The following CELSR1 variants were observed in gnomAD, a reference collection of about 807,000 sequenced individuals.
CELSR1 encodes adhesion G protein-coupled receptor C1.
CELSR1 carries 110 observed loss-of-function variants against 249.1 expected under a neutral mutation model. The ratio of observed to expected loss-of-function variants is 0.44; its 90% CI spans 0.38 to 0.52. The LOEUF (loss-of-function observed/expected upper bound fraction) is 0.52, where lower values mean the gene tolerates loss of function less well. Among genes scored for constraint, CELSR1 ranks in the 20% least tolerant of loss-of-function variants. The probability of loss-of-function intolerance (pLI) is 0.00; values close to 1 mark genes in which losing one functional copy is unlikely to be tolerated. For synonymous variants in CELSR1, 2,113 were observed against 1,900.0 expected (o/e 1.11, Z -2.92); for missense variants, 4,109 against 4,296.4 (o/e 0.96, Z 1.22).
intron 2 of CELSR1, chr22:46,462,795 C>T (rs570727040): frequency 2.2e-5 from 8 of 368,206 alleles, no homozygotes; most frequent in African/African-American, 1.1e-4. Flanking sequence ...GTACCGCTCT[C>T]GGGGTGGCTC....
At chr22:46,384,088 C>G (rs1417267785) in intron 20 of CELSR1, among the ~76,000 whole-genome samples, 2 of 152,152 alleles carry the variant, frequency 1.3e-5, no homozygotes, top group South Asian at 4.1e-4. Context: ...GCGCCCGCCA[C>G]CGCAGCTGGC....
chr22:46,502,322 A>C (rs2080473755), intron 1 of CELSR1, among the ~76,000 whole-genome samples: 1 of 95,778 alleles, frequency 1.0e-5, no homozygotes, highest in Non-Finnish European at 2.0e-5. Flanking sequence ...GAGGGGAGGA[A>C]GAGGGGAGGG....
chr22:46,492,071 C>A (rs556750421), intron 1 of CELSR1, among the ~76,000 whole-genome samples: 65 of 152,372 alleles, frequency 4.3e-4, no homozygotes, highest in African/African-American at 1.5e-3. Flanking sequence ...GAAACAACTG[C>A]CACGAGAAGG....
At position 46,427,867 on chromosome 22, in the gene CELSR1, C is replaced by G. The variant is rs906515928; in HGVS notation, c.4611+5526G>C. Among the ~76,000 whole-genome samples, 4 of 152,148 alleles carry G rather than the reference C, an allele frequency of 2.6e-5. No homozygotes were observed. The highest frequency in any genetic ancestry group is 1.3e-4 in the Admixed American group (2 of 15,280). ...CCCAGAAAGGGTCCCATCAAAAAAC[C>G]TCACCCTGACCCAAGTGTCTGGGTG... is the stretch of plus-strand genomic sequence containing the variant. On this transcript the variant is annotated intron_variant, in intron 5 of 34. Transcript: ENST00000674500. The surrounding 1 kb of genome is among the most constrained non-coding windows in gnomAD (Gnocchi z 4.2).
intron 20 of CELSR1, 40 bp downstream of exon 20, chr22:46,384,503 G>A (rs1014981250): frequency 2.6e-6 from 4 of 1,550,030 alleles, no homozygotes; most frequent in Non-Finnish European, 3.5e-6. Flanking sequence ...CTGAACGCTG[G>A]GGACTCCGAG....
At chr22:46,372,568 GCACT>G (rs1444820935) in intron 25 of CELSR1, among the ~76,000 whole-genome samples, 1 of 147,990 alleles carries the variant, frequency 6.8e-6, no homozygotes, top group Non-Finnish European at 1.5e-5. Flanking sequence ...GCACACTCAT[GCACT>G]CACTCGCTCT....
At position 46,518,750 on chromosome 22, in the gene CELSR1, T is replaced by C. The variant is rs2080654491; in HGVS notation, c.3544+14877A>G. Among the ~76,000 whole-genome samples the C allele has an allele frequency of 1.3e-5, 2 of 152,080 alleles. No individual in the cohort carries two copies. Among genetic ancestry groups the C allele is most frequent in the Admixed American group, 1.3e-4 (2 of 15,256 alleles). On this transcript the variant is annotated intron_variant, in intron 1 of 34. Coordinates refer to ENST00000674500, the MANE Select transcript of CELSR1 (RefSeq NM_001378328.1). The surrounding 1 kb of genome is among the most constrained non-coding windows in gnomAD (Gnocchi z 5.2). ...GTCTTCTCTCTTATAAAGACTCCAG[T>C]TGTGGCTGGGCGCGGTGGCTCGCCT...
intron 1 of CELSR1, among the ~76,000 whole-genome samples, chr22:46,529,266 A>G (rs1416483895): frequency 6.8e-6 from 1 of 146,326 alleles, no homozygotes; most frequent in Non-Finnish European, 1.5e-5. Context: ...ACTCCATTTC[A>G]AAAAAAAAAA....
At position 46,448,770 on chromosome 22, in the gene CELSR1, C is replaced by G. The variant is rs1202206979; in HGVS notation, c.4184-9359G>C. On this transcript the variant is annotated intron_variant, in intron 2 of 34. Coordinates refer to ENST00000674500, the MANE Select transcript of CELSR1 (RefSeq NM_001378328.1). This position sits in a 1 kb window ranked among gnomAD's most constrained non-coding sequence, Gnocchi z 5.7. ...GTCATATCACGCAAATGCACAAAAC[C>G]TGAAGTCAACTCAAAGCCCCATCAA... 6.6e-6 allele frequency among the ~76,000 whole-genome samples: 1 copy of G among 152,112 alleles called. No homozygotes were observed. The highest frequency in any genetic ancestry group is 1.9e-4 in the East Asian group (1 of 5,192).
chr22:46,451,311 G>A (rs1423785144), intron 2 of CELSR1, among the ~76,000 whole-genome samples: 2 of 152,242 alleles, frequency 1.3e-5, no homozygotes, highest in Non-Finnish European at 2.9e-5. Flanking sequence ...CGGCACTGCA[G>A]AAGCCGCTTG....
In CELSR1 at chr22:46,496,627, A is replaced by AT. The variant is rs55785020; in HGVS notation, c.3545-32283dup. Among the ~76,000 whole-genome samples, 401 of 150,898 alleles carry AT rather than the reference A, an allele frequency of 2.7e-3. 2 individuals carry two copies. Among genetic ancestry groups the AT allele is most frequent in the African/African-American group, 9.2e-3 (375 of 40,950 alleles). Reference sequence around the variant, plus strand: ...TTATTCTATAAGCTTTTATCTATTAATTTTTTTTTTTTACTTTGTGTTAAA... The same window carrying AT: ...TTATTCTATAAGCTTTTATCTATTAATTTTTTTTTTTTTACTTTGTGTTAAA... On this transcript the variant is annotated intron_variant, in intron 1 of 34. Transcript: ENST00000674500.
In CELSR1 at chr22:46,369,614, C is replaced by T; in HGVS notation, c.7872+78G>A. The T allele has an allele frequency of 2.8e-5, 38 of 1,376,844 alleles. No homozygotes were observed. In the South Asian group the frequency reaches 4.5e-4, roughly 16 times the overall value. The allele number at this position is 1,376,844 out of a possible 1,614,324, so 85.3% of individuals were successfully genotyped here. A position where few individuals can be genotyped will look rare whatever the true frequency, so the allele number is the denominator to read the frequency against. On this transcript the variant is annotated intron_variant, in intron 26 of 34. Transcript: ENST00000674500. ...GTCGGCTGCTCAGAGGAGTTGGTGG[C>T]CCCAGCCAACCCAGAACAGCCCTTC...
rs181994014 is a variant in CELSR1, at chr22:46,532,135, C to T, written c.3544+1492G>A. Among the ~76,000 whole-genome samples, 17 of 152,362 alleles carry T rather than the reference C, an allele frequency of 1.1e-4. No homozygotes were observed. In the East Asian group the frequency reaches 3.1e-3, roughly 28 times the overall value. ...GATACCACAGACACACAAAACATCC[C>T]TGCCCCCAGCATGGATCTGTTCCCA... On this transcript the variant is annotated intron_variant, in intron 1 of 34. Transcript: ENST00000674500.
chr22:46,376,968 C>A, intron 24 of CELSR1, 93 bp downstream of exon 24: 1 of 1,312,616 alleles, frequency 7.6e-7, no homozygotes, highest in South Asian at 1.3e-5. Context: ...TGAGGAGGAG[C>A]TAGCCAGGGT....
rs974901268 is a variant in CELSR1 at position 46,454,940 on chromosome 22, T to G, written c.4183+8767A>C. 6.6e-6 allele frequency among the ~76,000 whole-genome samples: 1 copy of G among 152,224 alleles called. No individual in the cohort carries two copies. Among genetic ancestry groups the G allele is most frequent in the African/African-American group, 2.4e-5 (1 of 41,462 alleles). ...ACCTTGTTTGGAAATAGGGTCTTTG[T>G]AGAGGTAATCGACTTAGGATGAGAT... On this transcript the variant is annotated intron_variant, in intron 2 of 34. Coordinates refer to ENST00000674500, the MANE Select transcript of CELSR1 (RefSeq NM_001378328.1). The surrounding 1 kb of genome is among the most constrained non-coding windows in gnomAD (Gnocchi z 5.1).
In CELSR1 at chr22:46,428,850, A is replaced by AC. The variant is rs2079563897; in HGVS notation, c.4611+4542dup. Among the ~76,000 whole-genome samples the AC allele has an allele frequency of 6.6e-6, 1 of 151,258 alleles. No homozygotes were observed. Among genetic ancestry groups the AC allele is most frequent in the Non-Finnish European group, 1.5e-5 (1 of 67,844 alleles). Reference sequence around the variant, plus strand: ...CTGCCTGGTGTCCATGTCAGGCACTACCTCCCCTGCATGTCCCTGCCTCCC... The same window carrying AC: ...CTGCCTGGTGTCCATGTCAGGCACTACCCTCCCCTGCATGTCCCTGCCTCCC... On this transcript the variant is annotated intron_variant, in intron 5 of 34. Transcript: ENST00000674500. This position sits in a 1 kb window ranked among gnomAD's most constrained non-coding sequence, Gnocchi z 5.7.
Position 46,373,066 on chromosome 22 carries a change from G to A in CELSR1, c.7585-9C>T. 6.3e-7 allele frequency: 1 copy of A among 1,585,826 alleles called. No homozygotes were observed. Among genetic ancestry groups the A allele is most frequent in the Non-Finnish European group, 8.6e-7 (1 of 1,163,642 alleles). On this transcript the variant is annotated splice_polypyrimidine_tract_variant and intron_variant, in intron 24 of 34. Coordinates refer to ENST00000674500, the MANE Select transcript of CELSR1 (RefSeq NM_001378328.1). ...ACCACTGTGCACAGAAACTGCGCAG[G>A]GAGGGGCCGCTCAGCAAGGGCCCCT... is the stretch of plus-strand genomic sequence containing the variant.
Position 46,381,847 on chromosome 22 carries a change from G to T in CELSR1, c.7087C>A (p.Arg2363=). The T allele has an allele frequency of 1.3e-6, 2 of 1,550,972 alleles. No homozygotes were observed. The highest frequency in any genetic ancestry group is 8.7e-7 in the Non-Finnish European group (1 of 1,151,596). The change falls in exon 21 of 35, where the codon CGG becomes AGG. Residue 2363 remains arginine, a splice_region_variant and synonymous_variant. Coordinates refer to ENST00000674500, the MANE Select transcript of CELSR1 (RefSeq NM_001378328.1). This position sits in a 1 kb window ranked among gnomAD's most constrained non-coding sequence, Gnocchi z 6.0. ...GTGTGCCCCGTGCCCAGGCCTTACCGGAGGCTGCGACGGTCGGGGTCGTAG... is the reference window on the plus strand; with the variant it reads ...GTGTGCCCCGTGCCCAGGCCTTACCTGAGGCTGCGACGGTCGGGGTCGTAG... ...ERYDPDRRSL[R]LPHRPIINTP...
chr22:46,456,061 T>A (rs2079945500), intron 2 of CELSR1, among the ~76,000 whole-genome samples: 1 of 151,932 alleles, frequency 6.6e-6, no homozygotes, highest in African/African-American at 2.4e-5. Context: ...ATTCTGTTAC[T>A]GCTTTATTTG....
Sources: gnomAD v4.1 joint callset for allele counts (sites outside exome capture counted in the v4.1 genomes callset) on GRCh38, gnomAD v4.1.1 for gene constraint, Gnocchi (gnomAD v3.1) non-coding constraint, MANE v1.5 for transcripts, NCBI Gene and HGNC (gene_info 2026-07-23, HGNC 2026-07-21) for gene names.